The following MAGT1 variants were observed in gnomAD, a reference collection of about 807,000 sequenced individuals.
MAGT1 encodes dolichyl-diphosphooligosaccharide--protein glycosyltransferase subunit MAGT1.
MAGT1 carries 4 observed loss-of-function variants against 28.4 expected under a neutral mutation model. The ratio of observed to expected loss-of-function variants is 0.14; its 90% CI spans 0.07 to 0.32. MAGT1 has a LOEUF of 0.32. MAGT1 is among the 10% of genes least tolerant of loss of function. The probability of loss-of-function intolerance (pLI) is 1.00; values close to 1 mark genes in which losing one functional copy is unlikely to be tolerated. For missense variants in MAGT1, 193 were observed against 264.5 expected, an observed-to-expected ratio of 0.73 and a Z score of 1.88; for synonymous variants, 89 against 89.7, an observed-to-expected ratio of 0.99 and a Z score of 0.04.
At chrX:77,862,466 T>C (rs1199097717) in intron 3 of MAGT1, among the ~76,000 whole-genome samples, 1 of 111,553 alleles carries the variant, frequency 9.0e-6, no homozygotes, top group Non-Finnish European at 1.9e-5. Flanking sequence ...AACAAGGAAC[T>C]AATGTCCAGA....
chrX:77,871,181 C>T (rs2077019614), intron 2 of MAGT1, among the ~76,000 whole-genome samples: 1 of 111,981 alleles, frequency 8.9e-6, no homozygotes, highest in African/African-American at 3.2e-5. Context: ...TACTTTGTGC[C>T]TGTTTCTTAT....
chrX:77,882,377 A>G (rs1420515561), intron 1 of MAGT1, among the ~76,000 whole-genome samples: 1 of 111,827 alleles, frequency 8.9e-6, no homozygotes, highest in Non-Finnish European at 1.9e-5. Flanking sequence ...TGCAGATGAC[A>G]TGATTGTATA....
intron 9 of MAGT1, among the ~76,000 whole-genome samples, chrX:77,830,041 G>A (rs1175096151): frequency 8.9e-6 from 1 of 112,633 alleles, no homozygotes; most frequent in Non-Finnish European, 1.9e-5. Flanking sequence ...ACAGCTGTTT[G>A]GGCATGGTGG....
chrX:77,889,864 T>G (rs1173897515), intron 1 of MAGT1, among the ~76,000 whole-genome samples: 2 of 112,204 alleles, frequency 1.8e-5, no homozygotes, highest in East Asian at 5.5e-4. Context: ...CGTTGTGCTA[T>G]CAAACAGTAG....
intron 7 of MAGT1, among the ~76,000 whole-genome samples, chrX:77,846,285 A>G (rs1433783949): frequency 8.1e-5 from 9 of 111,697 alleles, no homozygotes; most frequent in African/African-American, 2.6e-4. Context: ...CAGCTCCATC[A>G]GGTCCTTTAA....
At chrX:77,873,076 T>C (rs1424523194) in intron 2 of MAGT1, among the ~76,000 whole-genome samples, 2 of 112,616 alleles carry the variant, frequency 1.8e-5, no homozygotes, top group East Asian at 5.5e-4. Context: ...TATTTTTGTA[T>C]ACTCTTGATT....
intron 1 of MAGT1, among the ~76,000 whole-genome samples, chrX:77,884,610 T>C (rs1379429388): frequency 9.1e-6 from 1 of 110,156 alleles, no homozygotes; most frequent in African/African-American, 3.3e-5. Flanking sequence ...GGCCAGATCA[T>C]TGTTGTGAGG....
intron 3 of MAGT1, among the ~76,000 whole-genome samples, chrX:77,864,352 A>C (rs1557216702): frequency 9.0e-6 from 1 of 110,690 alleles, no homozygotes; most frequent in Non-Finnish European, 1.9e-5. Context: ...AGTAAGATCT[A>C]ATGTTCCATA....
In MAGT1 at chrX:77,829,252, T is replaced by C. The variant is rs2149007790; in HGVS notation, c.993-17A>G. 1 of 1,163,708 alleles carries C rather than the reference T, an allele frequency of 8.6e-7. No individual in the cohort carries two copies. The highest frequency in any genetic ancestry group is 1.8e-5 in the South Asian group (1 of 55,494). On this transcript the variant is annotated splice_polypyrimidine_tract_variant and intron_variant, in intron 9 of 9. Transcript: ENST00000618282. Reference sequence around the variant, plus strand: ...ATCAGAAAGCTGAAACAAAAATATATTCCAATCTATTAGTCTCTGAAAGAA... The same window carrying C: ...ATCAGAAAGCTGAAACAAAAATATACTCCAATCTATTAGTCTCTGAAAGAA...
chrX:77,864,825 T>C (rs1240497720), intron 3 of MAGT1, among the ~76,000 whole-genome samples: 2 of 110,739 alleles, frequency 1.8e-5, no homozygotes, highest in African/African-American at 6.6e-5. Context: ...GATTCTCCTG[T>C]CTCAGCCTCC....
At chrX:77,873,712 T>C (rs1368766653) in intron 2 of MAGT1, among the ~76,000 whole-genome samples, 2 of 111,766 alleles carry the variant, frequency 1.8e-5, no homozygotes, top group African/African-American at 6.5e-5. Context: ...TCTTTGGGAT[T>C]AAAAAAATAA....
At chrX:77,846,629 G>A (rs1013652820) in intron 7 of MAGT1, among the ~76,000 whole-genome samples, 14 of 112,219 alleles carry the variant, frequency 1.2e-4, no homozygotes, top group African/African-American at 4.5e-4. Context: ...TGTCCTTTCT[G>A]TTTGTTAGTT....
rs182576731 is a variant in MAGT1 at position 77,846,128 on chromosome X, G to A, written c.827-4808C>T. On this transcript the variant is annotated intron_variant, in intron 7 of 9. Coordinates refer to ENST00000618282, the MANE Select transcript of MAGT1 (RefSeq NM_001367916.1). ...CCCATATTTCTTGGAGGCTTTGTTCGTTTCTTTTTATTCTTTTTTCTCTAA... is the reference window on the plus strand; with the variant it reads ...CCCATATTTCTTGGAGGCTTTGTTCATTTCTTTTTATTCTTTTTTCTCTAA... Among the ~76,000 whole-genome samples, 205 of 111,118 alleles carry A rather than the reference G, an allele frequency of 1.8e-3. 2 individuals are homozygous for A. Among genetic ancestry groups the A allele is most frequent in the African/African-American group, 6.2e-3 (189 of 30,610 alleles).
rs1293399176 is a variant in MAGT1, at chrX:77,878,268, G to A, written c.103-2671C>T. Among the ~76,000 whole-genome samples the A allele has an allele frequency of 1.3e-4, 9 of 69,965 alleles. No homozygotes were observed. In the East Asian group the frequency reaches 2.8e-3, roughly 22 times the overall value. The allele number at this position is 69,965 out of a possible 115,157, so 60.8% of individuals were successfully genotyped here. ...CACATCATTGCACTCCAGTCTGGGC[G>A]ACAAGAGCAAAACTCTGATGCAAAA... On this transcript the variant is annotated intron_variant, in intron 1 of 9. Transcript: ENST00000618282.
intron 1 of MAGT1, among the ~76,000 whole-genome samples, chrX:77,887,244 G>A (rs2077070403): frequency 1.8e-5 from 2 of 111,248 alleles, no homozygotes; most frequent in South Asian, 3.8e-4. Context: ...ACAGGTGCAT[G>A]CTACCATGCT....
intron 1 of MAGT1, chrX:77,885,718 A>C (rs1277093824): frequency 9.1e-6 from 1 of 110,372 alleles, no homozygotes; most frequent in Non-Finnish European, 1.9e-5. Flanking sequence ...GCAGTAGCTC[A>C]TGCCTGTAAT....
At chrX:77,892,887 G>T (rs1557219604) in intron 1 of MAGT1, among the ~76,000 whole-genome samples, 1 of 112,179 alleles carries the variant, frequency 8.9e-6, no homozygotes, top group Non-Finnish European at 1.9e-5. Context: ...TCTGATGTTT[G>T]TTGAGGACAT....
At position 77,830,970 on chromosome X, in the gene MAGT1, TTTTTATTTTATTTTATTTTATTTTA is replaced by T. The variant is rs201564456; in HGVS notation, c.902-100_902-76del. 408 of 182,260 alleles carry T rather than the reference TTTTTATTTTATTTTATTTTATTTTA, an allele frequency of 2.2e-3. 2 individuals are homozygous for T. Among genetic ancestry groups the T allele is most frequent in the African/African-American group, 8.5e-3 (216 of 25,303 alleles). 15.0% of individuals were successfully genotyped at this position (182,260 alleles called of 1,213,427 possible). ...TAACCATGGCAGTCTATACTTTCTT[TTTTTATTTTATTTTATTTTATTTTA>T]TTTTATTTTATTTTATTTTATTTTA... On this transcript the variant is annotated intron_variant, in intron 8 of 9. Transcript: ENST00000618282.
chrX:77,832,601 C>T (rs1217115950), intron 8 of MAGT1, among the ~76,000 whole-genome samples: 4 of 109,791 alleles, frequency 3.6e-5, no homozygotes, highest in African/African-American at 1.3e-4. Context: ...GAGGCCAAGG[C>T]GGGTGGATCA....
Sources: gnomAD v4.1 joint callset for allele counts (sites outside exome capture counted in the v4.1 genomes callset) on GRCh38, gnomAD v4.1.1 for gene constraint, MANE v1.5 for transcripts, NCBI Gene and HGNC (gene_info 2026-07-23, HGNC 2026-07-21) for gene names.